The following CYP2J2 variants were observed in gnomAD, a reference collection of about 807,000 sequenced individuals.
CYP2J2 encodes the protein cytochrome P450 family 2 subfamily J member 2, also known as cytochrome P450 2J2.
CYP2J2 carries 41 observed loss-of-function variants against 48.8 expected under a neutral mutation model. The ratio of observed to expected loss-of-function variants is 0.84; its 90% CI spans 0.66 to 1.09. The LOEUF (loss-of-function observed/expected upper bound fraction) is 1.09. Among genes scored for constraint, CYP2J2 ranks in the 50% least tolerant of loss-of-function variants. The probability of loss-of-function intolerance (pLI) is 0.00; values close to 1 mark genes in which losing one functional copy is unlikely to be tolerated. For missense variants in CYP2J2, 644 were observed against 617.3 expected, an observed-to-expected ratio of 1.04 and a Z score of -0.46; for synonymous variants, 221 against 227.1, an observed-to-expected ratio of 0.97 and a Z score of 0.24.
intron 3 of CYP2J2, 66 bp from the exon 4 acceptor site, chr1:59,911,834 C>T: frequency 6.6e-7 from 1 of 1,511,292 alleles, no homozygotes; most frequent in Non-Finnish European, 9.1e-7. Flanking sequence ...TACTGAGAGT[C>T]TACTTTACAT....
At chr1:59,943,326 T>C in the CYP2J2 span, among the ~76,000 whole-genome samples, 1 of 152,124 alleles carries the variant, frequency 6.6e-6, no homozygotes, top group African/African-American at 2.4e-5. Context: ...ACCAGCCGAA[T>C]GGAGAAAGAG....
At chr1:59,968,521 C>T in the CYP2J2 span, among the ~76,000 whole-genome samples, 1 of 152,080 alleles carries the variant, frequency 6.6e-6, no homozygotes, top group South Asian at 2.1e-4. Flanking sequence ...AACAGGGCAG[C>T]TAATTGCTGG....
chr1:59,916,199 G>T, intron 1 of CYP2J2, 99 bp from the exon 2 acceptor site: 1 of 998,120 alleles, frequency 1.0e-6, no homozygotes, highest in Non-Finnish European at 1.5e-6. Context: ...TGAGAGGAGT[G>T]CGTGTGTCTG....
the CYP2J2 span, among the ~76,000 whole-genome samples, chr1:59,955,264 C>A: frequency 2.1e-4 from 5 of 24,222 alleles, no homozygotes; most frequent in African/African-American, 3.6e-4. Flanking sequence ...ATATATATAT[C>A]CATATATATA....
chr1:59,921,818 T>C (rs1331044325), intron 1 of CYP2J2, among the ~76,000 whole-genome samples: 2 of 152,112 alleles, frequency 1.3e-5, no homozygotes. Flanking sequence ...AGGTTATGGA[T>C]AGACTGTGTT....
At chr1:59,909,985 A>T (rs1003883413) in intron 4 of CYP2J2, 25 bp from the exon 5 acceptor site, 2 of 1,569,528 alleles carry the variant, frequency 1.3e-6, no homozygotes, top group African/African-American at 1.4e-5. Context: ...CAAAACAATC[A>T]TGCAGATAAC....
the CYP2J2 span, among the ~76,000 whole-genome samples, chr1:59,939,103 T>G: frequency 6.6e-6 from 1 of 152,228 alleles, no homozygotes; most frequent in Non-Finnish European, 1.5e-5. Flanking sequence ...AAATGGAATT[T>G]CTTATGTCTT....
At position 59,903,651 on chromosome 1, in the gene CYP2J2, T is replaced by A. The variant is rs970978764; in HGVS notation, c.1191+1220A>T. Among the ~76,000 whole-genome samples, 3 of 152,200 alleles carry A rather than the reference T, an allele frequency of 2.0e-5. No individual in the cohort carries two copies. In the East Asian group the frequency reaches 5.8e-4, roughly 29 times the overall value. On this transcript the variant is annotated intron_variant, in intron 7 of 8. Coordinates refer to ENST00000371204, the MANE Select transcript of CYP2J2 (RefSeq NM_000775.4). ...TACCCTTGTAACGAGCCTACACATGTACTCCCTGAATCTAAAACAAAAGTT... is the reference window on the plus strand; with the variant it reads ...TACCCTTGTAACGAGCCTACACATGAACTCCCTGAATCTAAAACAAAAGTT...
the CYP2J2 span, among the ~76,000 whole-genome samples, chr1:59,940,056 A>C: frequency 1.4e-4 from 21 of 152,268 alleles, no homozygotes; most frequent in African/African-American, 5.1e-4. Context: ...CCAAGAGCTC[A>C]CTTTGTGCTC....
intron 2 of CYP2J2, among the ~76,000 whole-genome samples, chr1:59,914,205 A>G (rs777170348): frequency 1.3e-4 from 20 of 152,236 alleles, no homozygotes; most frequent in Admixed American, 7.2e-4. Flanking sequence ...ATAGAATATA[A>G]ACTACATAGG....
chr1:59,911,892 A>G (rs1644419284), intron 3 of CYP2J2, 124 bp from the exon 4 acceptor site: 3 of 1,009,870 alleles, frequency 3.0e-6, no homozygotes, highest in Admixed American at 2.5e-5. Context: ...AGCTGGCCAC[A>G]TGACCTTACA....
At chr1:59,948,393 G>A in the CYP2J2 span, among the ~76,000 whole-genome samples, 1 of 152,124 alleles carries the variant, frequency 6.6e-6, no homozygotes, top group African/African-American at 2.4e-5. Flanking sequence ...ACATCTATTA[G>A]TAAAATACTT....
rs1341499164 is a variant in CYP2J2 at position 59,915,956 on chromosome 1, G to C, written c.355C>G (p.His119Asp). ...GNRPVTPMRE[H>D]IFKKNGLIMS... ...AACTTACCATTTTTCTTAAAGATAT[G>C]TTCTCGCATAGGGGTCACGGGGCGG... The change falls in exon 2 of 9, where the codon CAT becomes GAT. Residue 119 changes from histidine (H) to aspartate (D), a missense_variant. Transcript: ENST00000371204. 1 of 1,612,906 alleles carries C rather than the reference G, an allele frequency of 6.2e-7. No individual in the cohort carries two copies. Among genetic ancestry groups the C allele is most frequent in the Non-Finnish European group, 8.5e-7 (1 of 1,179,688 alleles).
intron 4 of CYP2J2, among the ~76,000 whole-genome samples, 185 bp downstream of exon 4, chr1:59,911,423 A>G (rs184767474): frequency 3.9e-5 from 6 of 152,334 alleles, no homozygotes; most frequent in Non-Finnish European, 7.4e-5. Flanking sequence ...TTGCATATAA[A>G]TATTCCATAT....
the CYP2J2 span, among the ~76,000 whole-genome samples, chr1:59,950,631 A>C: frequency 6.6e-6 from 1 of 152,198 alleles, no homozygotes; most frequent in Non-Finnish European, 1.5e-5. Context: ...CCCCGACCAT[A>C]GTGGCTTGAC....
the CYP2J2 span, among the ~76,000 whole-genome samples, chr1:59,948,228 G>A: frequency 1.9e-4 from 29 of 152,226 alleles, no homozygotes; most frequent in Middle Eastern, 3.4e-3. Context: ...TTCTTAAGTG[G>A]TCTCCTTGCA....
At chr1:59,944,264 C>T in the CYP2J2 span, among the ~76,000 whole-genome samples, 1 of 152,154 alleles carries the variant, frequency 6.6e-6, no homozygotes, top group Admixed American at 6.5e-5. Flanking sequence ...ACTTTGTCAC[C>T]CAGGCTGGAA....
chr1:59,939,351 A>G, the CYP2J2 span, among the ~76,000 whole-genome samples: 1 of 152,172 alleles, frequency 6.6e-6, no homozygotes, highest in Non-Finnish European at 1.5e-5. Flanking sequence ...TAATGCCTTG[A>G]TGGTCTTAGA....
At chr1:59,927,162 A>G (rs1426307788), upstream of CYP2J2, among the ~76,000 whole-genome samples, 1 of 152,136 alleles carries the variant, frequency 6.6e-6, no homozygotes, top group Non-Finnish European at 1.5e-5. Context: ...TATGAAGGAG[A>G]AGCTCTCGGT....
Sources: gnomAD v4.1 joint callset for allele counts (sites outside exome capture counted in the v4.1 genomes callset) on GRCh38, gnomAD v4.1.1 for gene constraint, MANE v1.5 for transcripts, NCBI Gene and HGNC (gene_info 2026-07-23, HGNC 2026-07-21) for gene names.